The following CEP112 variants were observed in gnomAD, a reference collection of about 807,000 sequenced individuals.
CEP112 encodes centrosomal protein of 112 kDa.
Under a neutral mutation model 153.0 loss-of-function variants are expected in CEP112, and 127 were observed. That is an observed-to-expected ratio of 0.83 (90% CI 0.72 to 0.96). The LOEUF (loss-of-function observed/expected upper bound fraction) is 0.96, where lower values mean the gene tolerates loss of function less well. Among genes scored for constraint, CEP112 ranks in the 40% least tolerant of loss-of-function variants. The pLI is 0.00. For missense variants in CEP112, 1,089 were observed against 1,101.2 expected, an observed-to-expected ratio of 0.99 and a Z score of 0.16; for synonymous variants, 358 against 374.4, an observed-to-expected ratio of 0.96 and a Z score of 0.51.
chr17:65,962,274 T>C (rs1374398197), intron 17 of CEP112, among the ~76,000 whole-genome samples: 1 of 130,614 alleles, frequency 7.7e-6, no homozygotes, highest in Non-Finnish European at 1.6e-5. Flanking sequence ...ATATCTCATG[T>C]TTTTTTTTTA....
At chr17:65,870,360 CTAGG>C (rs2058633276) in intron 20 of CEP112, among the ~76,000 whole-genome samples, 1 of 152,044 alleles carries the variant, frequency 6.6e-6, no homozygotes, top group Non-Finnish European at 1.5e-5. Context: ...CAATCTGCTC[CTAGG>C]TTAAGTTAAA....
chr17:66,029,547 T>C lies in CEP112; in HGVS notation c.1374-295A>G, dbSNP rs970123464. On this transcript the variant is annotated intron_variant, in intron 13 of 26. Coordinates refer to ENST00000535342, the MANE Select transcript of CEP112 (RefSeq NM_001199165.4). ...CCGTGTCTCTACAAAAAAATAAAAATAGAAAAATTAGCCAGGCATGGTGGT... is the reference window on the plus strand; with the variant it reads ...CCGTGTCTCTACAAAAAAATAAAAACAGAAAAATTAGCCAGGCATGGTGGT... 2.6e-5 allele frequency among the ~76,000 whole-genome samples: 4 copies of C among 151,518 alleles called. No individual in the cohort carries two copies. In the South Asian group the frequency reaches 8.4e-4, roughly 32 times the overall value.
intron 22 of CEP112, among the ~76,000 whole-genome samples, chr17:65,743,455 T>C (rs994286459): frequency 1.3e-5 from 2 of 152,234 alleles, no homozygotes; most frequent in African/African-American, 4.8e-5. Context: ...GTTTCCACTC[T>C]AACATTCCAC....
intron 21 of CEP112, among the ~76,000 whole-genome samples, chr17:65,756,743 T>C (rs2145333432): frequency 6.6e-6 from 1 of 152,232 alleles, no homozygotes; most frequent in South Asian, 2.1e-4. Context: ...GTGAATTGTT[T>C]TGTTTTTTGG....
intron 1 of CEP112, among the ~76,000 whole-genome samples, chr17:66,190,314 A>AC (rs1488897852): frequency 6.6e-6 from 1 of 151,942 alleles, no homozygotes; most frequent in Non-Finnish European, 1.5e-5. Flanking sequence ...CGTCTCAAAA[A>AC]AAAAAAAATT....
intron 20 of CEP112, among the ~76,000 whole-genome samples, chr17:65,869,599 A>G (rs1460942412): frequency 8.1e-6 from 1 of 123,442 alleles, no homozygotes; most frequent in Admixed American, 8.9e-5. Flanking sequence ...TTTTTTTTTC[A>G]GACAGAGTCT....
chr17:66,035,129 C>T (rs2065678635), intron 12 of CEP112, among the ~76,000 whole-genome samples: 1 of 150,936 alleles, frequency 6.6e-6, no homozygotes, highest in South Asian at 2.1e-4. Flanking sequence ...CGTGTGCCAC[C>T]ACGCCCAGCC....
chr17:65,783,989 T>C (rs535524630), intron 21 of CEP112, among the ~76,000 whole-genome samples: 5 of 152,206 alleles, frequency 3.3e-5, no homozygotes, highest in African/African-American at 7.2e-5. Context: ...TTATAACATG[T>C]AGATAAAGTG....
intron 12 of CEP112, among the ~76,000 whole-genome samples, chr17:66,042,646 A>G (rs1321228820): frequency 6.6e-6 from 1 of 152,178 alleles, no homozygotes; most frequent in East Asian, 1.9e-4. Flanking sequence ...ATCCTGGAAA[A>G]GAAACAACAT....
rs574108435 is a variant in CEP112, at chr17:66,081,830, G to A, written c.769-11829C>T. On this transcript the variant is annotated intron_variant, in intron 8 of 26. Transcript: ENST00000535342. ...CTCGGGAGGCTGAGGCAGGAGAATCGCTTGAACCCAGGAGACAGAGATTAT... is the reference window on the plus strand; with the variant it reads ...CTCGGGAGGCTGAGGCAGGAGAATCACTTGAACCCAGGAGACAGAGATTAT... Among the ~76,000 whole-genome samples the A allele has an allele frequency of 2.0e-5, 3 of 152,172 alleles. No individual in the cohort carries two copies. The East Asian group carries it at 5.8e-4, about 29-fold the overall frequency.
chr17:65,837,659 T>C (rs1854409960), intron 21 of CEP112, among the ~76,000 whole-genome samples: 1 of 152,126 alleles, frequency 6.6e-6, no homozygotes, highest in Admixed American at 6.5e-5. Context: ...GGGGGAAATG[T>C]GGGGAAAAGA....
At chr17:66,166,959 G>A (rs1050175865) in intron 4 of CEP112, among the ~76,000 whole-genome samples, 2 of 150,254 alleles carry the variant, frequency 1.3e-5, no homozygotes, top group African/African-American at 2.4e-5. Context: ...TATATGGCGT[G>A]AAAAAATGTA....
intron 8 of CEP112, among the ~76,000 whole-genome samples, chr17:66,081,361 A>G (rs1039662933): frequency 7.2e-5 from 11 of 152,152 alleles, no homozygotes; most frequent in Non-Finnish European, 1.5e-4. Flanking sequence ...GGAAAGATGG[A>G]AGAGAATATG....
At chr17:65,892,263 A>G (rs9896685) in intron 20 of CEP112, among the ~76,000 whole-genome samples, 2,534 of 152,232 alleles carry the variant, frequency 0.017, 80 homozygotes, top group African/African-American at 0.057. Context: ...GAAAAAAGTT[A>G]ATGTCTGCCT....
chr17:66,085,979 CA>C (rs373315539), intron 8 of CEP112, among the ~76,000 whole-genome samples: 14 of 110,140 alleles, frequency 1.3e-4, no homozygotes, highest in African/African-American at 4.1e-4. Flanking sequence ...GACTCCGTCT[CA>C]AAAAAAAAAA....
intron 18 of CEP112, among the ~76,000 whole-genome samples, chr17:65,949,431 G>A (rs527821187): frequency 4.2e-4 from 64 of 152,248 alleles, no homozygotes; most frequent in Admixed American, 7.9e-4. Flanking sequence ...CGAGGAGTCC[G>A]AATCTAGCAC....
chr17:65,892,920 G>A (rs1024958960), intron 20 of CEP112, among the ~76,000 whole-genome samples: 5 of 152,048 alleles, frequency 3.3e-5, no homozygotes, highest in East Asian at 1.9e-4. Context: ...TGAAAATAAC[G>A]AAATAAGTAA....
rs559197159 is a variant in CEP112, at chr17:66,044,679, T to G, written c.1218+9057A>C. On this transcript the variant is annotated intron_variant, in intron 12 of 26. Transcript: ENST00000535342. ...TAGAATGGTCAAATTCGTAAGAGACTAAAAGTGAGGAACTGAATAAAGACG... is the reference window on the plus strand; with the variant it reads ...TAGAATGGTCAAATTCGTAAGAGACGAAAAGTGAGGAACTGAATAAAGACG... Among the ~76,000 whole-genome samples the G allele has an allele frequency of 6.3e-4, 96 of 152,252 alleles. 3 individuals are homozygous for G. The South Asian group carries it at 0.02, about 31-fold the overall frequency.
At chr17:66,105,700 G>A (rs1189758276) in intron 6 of CEP112, among the ~76,000 whole-genome samples, 1 of 152,000 alleles carries the variant, frequency 6.6e-6, no homozygotes, top group Non-Finnish European at 1.5e-5. Context: ...AGGCTGAGGT[G>A]GGAGGATGGT....
Sources: gnomAD v4.1 joint callset for allele counts (sites outside exome capture counted in the v4.1 genomes callset) on GRCh38, gnomAD v4.1.1 for gene constraint, MANE v1.5 for transcripts, NCBI Gene and HGNC (gene_info 2026-07-23, HGNC 2026-07-21) for gene names.